RHBDL2: variants seen among roughly 807,000 people sequenced by gnomAD.
RHBDL2 encodes the protein rhomboid like 2.
In RHBDL2, 26 loss-of-function variants were observed where a neutral mutation model predicts 31.7. That is an observed-to-expected ratio of 0.82 (90% CI 0.60 to 1.14). The LOEUF (loss-of-function observed/expected upper bound fraction) is 1.14, where lower values mean the gene tolerates loss of function less well. Among genes scored for constraint, RHBDL2 ranks in the 50% most tolerant of loss-of-function variants. The probability of loss-of-function intolerance (pLI) is 0.00; values close to 1 mark genes in which losing one functional copy is unlikely to be tolerated. For synonymous variants in RHBDL2, 123 were observed against 127.2 expected, an observed-to-expected ratio of 0.97 and a Z score of 0.22; for missense variants, 336 against 364.4, an observed-to-expected ratio of 0.92 and a Z score of 0.63.
intron 1 of RHBDL2, among the ~76,000 whole-genome samples, chr1:38,928,148 T>TTC (rs1202209824): frequency 4.6e-4 from 69 of 150,288 alleles, no homozygotes; most frequent in African/African-American, 1.6e-3. Flanking sequence ...TTTCTTTTTT[T>TTC]TTTTTTTTTT....
In RHBDL2 at chr1:38,919,176, T is replaced by A; in HGVS notation, c.37A>T (p.Asn13Tyr). 2.5e-6 allele frequency: 4 copies of A among 1,614,118 alleles called. No homozygotes were observed. Among genetic ancestry groups the A allele is most frequent in the Non-Finnish European group, 3.4e-6 (4 of 1,180,028 alleles). ...AVHDLEMESM[N>Y]LNMGREMKEE... Reference sequence around the variant, plus strand: ...TTCATCTCTCTCCCCATATTCAGATTCATGCTCTCCATCTCCAGATCATGA... The same window carrying A: ...TTCATCTCTCTCCCCATATTCAGATACATGCTCTCCATCTCCAGATCATGA... Residue 13 changes from asparagine (N) to tyrosine (Y), a missense_variant, in exon 2 of 8, where the codon AAT becomes TAT. Coordinates refer to ENST00000372990, the MANE Select transcript of RHBDL2 (RefSeq NM_017821.5).
At chr1:38,932,921 T>C (rs1643453990) in intron 1 of RHBDL2, among the ~76,000 whole-genome samples, 1 of 152,184 alleles carries the variant, frequency 6.6e-6, no homozygotes, top group Admixed American at 6.5e-5. Flanking sequence ...ATTACTGATG[T>C]CTGACCCGAA....
chr1:38,902,020 T>C (rs906682406), intron 4 of RHBDL2, among the ~76,000 whole-genome samples: 3 of 151,506 alleles, frequency 2.0e-5, no homozygotes, highest in Non-Finnish European at 4.4e-5. Context: ...CTAATTGACA[T>C]GTATACAATA....
At chr1:38,905,908 A>G (rs559957843) in intron 4 of RHBDL2, among the ~76,000 whole-genome samples, 4 of 151,890 alleles carry the variant, frequency 2.6e-5, no homozygotes, top group Non-Finnish European at 5.9e-5. Context: ...TCTACTAAAA[A>G]TACAAAAAAT....
At chr1:38,931,943 C>G (rs565409400) in intron 1 of RHBDL2, among the ~76,000 whole-genome samples, 2 of 152,278 alleles carry the variant, frequency 1.3e-5, no homozygotes, top group South Asian at 4.1e-4. Context: ...GTTTGTTTCT[C>G]CTCTCCTTAA....
At chr1:38,926,243 A>C (rs1643373247) in intron 1 of RHBDL2, 1 of 1,087,792 alleles carries the variant, frequency 9.2e-7, no homozygotes, top group African/African-American at 1.7e-5. Context: ...AGCAGTATCC[A>C]GTGTCCAGAC....
At chr1:38,936,072 C>T in intron 1 of RHBDL2, among the ~76,000 whole-genome samples, 1 of 151,928 alleles carries the variant, frequency 6.6e-6, no homozygotes, top group East Asian at 1.9e-4. Context: ...GCCACCACGC[C>T]CAGCAAATCT....
At chr1:38,911,633 TGTGTGTGTGTGTGCGC>T (rs758587932) in intron 3 of RHBDL2, among the ~76,000 whole-genome samples, 199 bp from the exon 4 acceptor site, 6 of 102,258 alleles carry the variant, frequency 5.9e-5, no homozygotes, top group African/African-American at 2.1e-4. Context: ...TGTGTGTGTG[TGTGTGTGTGTGTGCGC>T]GCGCGCGCGC....
chr1:38,918,482 C>G (rs534069835), intron 2 of RHBDL2, among the ~76,000 whole-genome samples: 2 of 152,182 alleles, frequency 1.3e-5, no homozygotes, highest in Non-Finnish European at 2.9e-5. Context: ...AGAGGACTGA[C>G]TAGATCAGAG....
In RHBDL2 at chr1:38,886,394, TA is replaced by T; in HGVS notation, c.*109del. On this transcript the variant is annotated 3_prime_UTR_variant, in exon 8 of 8. Coordinates refer to ENST00000372990, the MANE Select transcript of RHBDL2 (RefSeq NM_017821.5). ...GTTTAATGCTGTTTTGTCCTCTATA[TA>T]AAATTGTTAGCCTTTTCTGAGACTT... is the stretch of plus-strand genomic sequence containing the variant. 2.5e-6 allele frequency: 2 copies of T among 796,088 alleles called. No individual in the cohort carries two copies. Among genetic ancestry groups the T allele is most frequent in the East Asian group, 2.8e-5 (1 of 35,720 alleles). The allele number at this position is 796,088 out of a possible 1,614,324, so 49.3% of individuals were successfully genotyped here.
At chr1:38,905,229 G>A (rs972430512) in intron 4 of RHBDL2, among the ~76,000 whole-genome samples, 5 of 150,094 alleles carry the variant, frequency 3.3e-5, no homozygotes, top group African/African-American at 1.2e-4. Context: ...CACCATGCCT[G>A]GCCTAATTTT....
At chr1:38,901,872 A>ATAAG (rs1225898436) in intron 4 of RHBDL2, among the ~76,000 whole-genome samples, 2 of 151,116 alleles carry the variant, frequency 1.3e-5, no homozygotes, top group Non-Finnish European at 2.9e-5. Context: ...AAATAAATAA[A>ATAAG]ACAAAAACTG....
intron 5 of RHBDL2, 100 bp from the exon 6 acceptor site, chr1:38,893,324 C>T (rs2124303018): frequency 5.1e-6 from 3 of 590,438 alleles, no homozygotes; most frequent in Non-Finnish European, 9.0e-6. Context: ...AATAATCTTC[C>T]AGTATCAAAT....
At chr1:38,933,478 G>A (rs1387075323) in intron 1 of RHBDL2, among the ~76,000 whole-genome samples, 2 of 152,138 alleles carry the variant, frequency 1.3e-5, no homozygotes, top group African/African-American at 4.8e-5. Flanking sequence ...CTCCACAAAA[G>A]TGGAAAATAT....
In RHBDL2 at chr1:38,911,400, G is replaced by A. The variant is rs761785353; in HGVS notation, c.430C>T (p.Leu144Phe). Reference protein sequence around the residue: ...QHILGNLCMQLVLGIPLEMVH... With the variant: ...QHILGNLCMQFVLGIPLEMVH... ...ATTTCCAAGGGAATACCCAAAACAA[G>A]CTGCATACAAAGATTCCCCAAGATG... The change falls in exon 4 of 8, where the codon CTT (leucine) becomes TTT (phenylalanine). Residue 144 changes from leucine to phenylalanine, a missense_variant. By Grantham distance (22) the Leu-to-Phe change is conservative. Transcript: ENST00000372990. The A allele has an allele frequency of 1.9e-6, 3 of 1,613,940 alleles. No individual in the cohort carries two copies. The highest frequency in any genetic ancestry group is 2.5e-6 in the Non-Finnish European group (3 of 1,179,948).
chr1:38,929,763 G>A (rs952517413), intron 1 of RHBDL2, among the ~76,000 whole-genome samples: 1 of 152,180 alleles, frequency 6.6e-6, no homozygotes, highest in East Asian at 1.9e-4. Context: ...GGGCCACAGA[G>A]CTTAGCAGCC....
chr1:38,899,476 C>T lies in RHBDL2; in HGVS notation c.509-3407G>A, dbSNP rs553750928. Among the ~76,000 whole-genome samples, 5 of 152,286 alleles carry T rather than the reference C, an allele frequency of 3.3e-5. No individual in the cohort carries two copies. The South Asian group carries it at 1.0e-3, about 32-fold the overall frequency. On this transcript the variant is annotated intron_variant, in intron 4 of 7. Coordinates refer to ENST00000372990, the MANE Select transcript of RHBDL2 (RefSeq NM_017821.5). ...GGTGTTTGGTGAGCCCAAGAGTGCT[C>T]AGCCTTCACTGTCCTCCCTAACAGG...
In RHBDL2 at chr1:38,910,279, A is replaced by G. The variant is rs139417846; in HGVS notation, c.508+1043T>C. Among the ~76,000 whole-genome samples the G allele has an allele frequency of 2.4e-3, 373 of 152,320 alleles. 1 individual carries two copies. Among genetic ancestry groups the G allele is most frequent in the Non-Finnish European group, 4.0e-3 (273 of 68,032 alleles). On this transcript the variant is annotated intron_variant, in intron 4 of 7. Transcript: ENST00000372990. ...TGAAAATGTTTTGTACCCTGACTAT[A>G]TCAACGTGGATATCCTAGTTGTGAT...
At chr1:38,922,903 C>A (rs1643332226) in intron 1 of RHBDL2, among the ~76,000 whole-genome samples, 1 of 152,078 alleles carries the variant, frequency 6.6e-6, no homozygotes, top group South Asian at 2.1e-4. Flanking sequence ...ACCAGCCTGG[C>A]CAATATGGTG....
Sources: allele counts gnomAD v4.1 joint callset (sites outside exome capture counted in the v4.1 genomes callset), GRCh38; gene constraint gnomAD v4.1.1; transcripts MANE v1.5; gene names NCBI Gene and HGNC (gene_info 2026-07-23, HGNC 2026-07-21).